Variants in TSPAN9 observed in about 807,000 individuals in gnomAD.
TSPAN9 encodes tetraspanin 9.
Under a neutral mutation model 31.0 loss-of-function variants are expected in TSPAN9, and 16 were observed. The ratio of observed to expected loss-of-function variants is 0.52; its 90% CI spans 0.35 to 0.78. The LOEUF is 0.78. Ranked by LOEUF, TSPAN9 falls within the 30% of genes least tolerant of loss-of-function variation. The pLI is 0.01. For missense variants in TSPAN9, 272 were observed against 312.5 expected, an observed-to-expected ratio of 0.87 and a Z score of 0.98; for synonymous variants, 145 against 121.6, an observed-to-expected ratio of 1.19 and a Z score of -1.27.
At chr12:3,135,134 G>A (rs2098331528) in intron 2 of TSPAN9, among the ~76,000 whole-genome samples, 1 of 152,136 alleles carries the variant, frequency 6.6e-6, no homozygotes, top group South Asian at 2.1e-4. Flanking sequence ...CCAAGCTAGA[G>A]TGCAGTGTCA....
At chr12:3,227,326 GC>G (rs1437979307) in intron 3 of TSPAN9, among the ~76,000 whole-genome samples, 2 of 152,182 alleles carry the variant, frequency 1.3e-5, no homozygotes, top group Non-Finnish European at 2.9e-5. Context: ...CGCAGCCTGG[GC>G]CATTTTGCCC....
At chr12:3,154,280 G>T (rs1237843341) in intron 2 of TSPAN9, among the ~76,000 whole-genome samples, 1 of 152,140 alleles carries the variant, frequency 6.6e-6, no homozygotes, top group Non-Finnish European at 1.5e-5. Context: ...GGTAGCAGAG[G>T]TCCTGCTTTA....
intron 3 of TSPAN9, among the ~76,000 whole-genome samples, chr12:3,247,514 G>A (rs1384007149): frequency 2.0e-5 from 3 of 152,172 alleles, no homozygotes; most frequent in Non-Finnish European, 4.4e-5. Context: ...CCTCTTCGGA[G>A]ACAGACATGG....
intron 2 of TSPAN9, among the ~76,000 whole-genome samples, chr12:3,164,469 G>C (rs1396350196): frequency 6.6e-6 from 1 of 152,200 alleles, no homozygotes; most frequent in African/African-American, 2.4e-5. Context: ...TTTGCTTCCA[G>C]CTCACTCTGG....
chr12:3,159,550 C>T (rs1294293013), intron 2 of TSPAN9, among the ~76,000 whole-genome samples: 2 of 152,106 alleles, frequency 1.3e-5, no homozygotes, highest in Non-Finnish European at 2.9e-5. Context: ...GGCCCTAATC[C>T]ACCATGACTG....
intron 8 of TSPAN9, among the ~76,000 whole-genome samples, chr12:3,282,417 A>C (rs1862913112): frequency 6.6e-6 from 1 of 152,130 alleles, no homozygotes; most frequent in Non-Finnish European, 1.5e-5. Flanking sequence ...TTTAAGAGAC[A>C]GGGTCTCACT....
chr12:3,262,186 T>A (rs568622152), intron 3 of TSPAN9, among the ~76,000 whole-genome samples: 2 of 152,196 alleles, frequency 1.3e-5, no homozygotes, highest in Admixed American at 6.5e-5. Flanking sequence ...TGTTTGTGGG[T>A]GTCTGTTTTG....
At position 3,280,384 on chromosome 12, in the gene TSPAN9, GA is replaced by G; in HGVS notation, c.335del (p.Asn112ThrfsTer8). 1 of 1,609,970 alleles carries G rather than the reference GA, an allele frequency of 6.2e-7. No homozygotes were observed. Among genetic ancestry groups the G allele is most frequent in the Non-Finnish European group, 8.5e-7 (1 of 1,177,432 alleles). The stretch of plus-strand genomic sequence containing the variant: ...CACTGTGTCCCTCCGCCTGGCAGGT[GA>G]ACGAGAACGCCAAGAAGGACCTGAA... The part of the protein sequence containing the change: ...ILFFVYMDKV[N>X]ENAKKDLKEG... On this transcript the variant is annotated frameshift_variant, in exon 6 of 9. Coordinates refer to ENST00000011898, the MANE Select transcript of TSPAN9 (RefSeq NM_006675.5). LOFTEE classifies it high-confidence loss of function. The surrounding 1 kb of genome is among the most constrained non-coding windows in gnomAD (Gnocchi z 4.5).
chr12:3,191,951 CCTT>C (rs1348728745), intron 2 of TSPAN9, among the ~76,000 whole-genome samples: 2 of 152,082 alleles, frequency 1.3e-5, no homozygotes, highest in African/African-American at 4.8e-5. Context: ...CTAGAATAGA[CCTT>C]CTTCAATAAT....
At chr12:3,198,128 C>CCACCACCAGCACAGGT (rs1473352501) in intron 2 of TSPAN9, among the ~76,000 whole-genome samples, 1,108 of 31,408 alleles carry the variant, frequency 0.035, 283 homozygotes, top group Non-Finnish European at 0.053. Context: ...CCAGCACAGG[C>CCACCACCAGCACAGGT]CACCACCAGC....
rs188578754 is a variant in TSPAN9, at chr12:3,219,281, C to G, written c.63+18025C>G. Among the ~76,000 whole-genome samples the G allele has an allele frequency of 1.5e-3, 230 of 152,294 alleles. 1 individual carries two copies. The highest frequency in any genetic ancestry group is 5.4e-3 in the African/African-American group (226 of 41,546). ...ACAATGACAGTGACATGCAACCTGC[C>G]CTGTGCGGTTGTTGAGTGGGATGCA... On this transcript the variant is annotated intron_variant, in intron 3 of 8. Coordinates refer to ENST00000011898, the MANE Select transcript of TSPAN9 (RefSeq NM_006675.5).
At chr12:3,160,380 G>A (rs186744622) in intron 2 of TSPAN9, among the ~76,000 whole-genome samples, 65 of 152,164 alleles carry the variant, frequency 4.3e-4, no homozygotes, top group Non-Finnish European at 7.8e-4. Context: ...CAGTTTTTTG[G>A]CTATTTTGAA....
Position 3,281,201 on chromosome 12 carries a change from C to G in TSPAN9, c.436C>G (p.Arg146Gly). The change falls in exon 7 of 9, where the codon CGA (arginine) becomes GGA (glycine). Residue 146 changes from arginine (R) to glycine (G), a missense_variant. By Grantham distance (125) the Arg-to-Gly change is moderately radical. Coordinates refer to ENST00000011898, the MANE Select transcript of TSPAN9 (RefSeq NM_006675.5). ...CCCTTCCATTCCTGCTGGCCAGATG[C>G]GATGCTGTGGTGTCACTGACTACAC... ...NAWNIIQAEM[R>G]CCGVTDYTDW... 1 of 1,550,970 alleles carries G rather than the reference C, an allele frequency of 6.4e-7. No homozygotes were observed. Among genetic ancestry groups the G allele is most frequent in the Non-Finnish European group, 8.7e-7 (1 of 1,146,862 alleles).
intron 2 of TSPAN9, among the ~76,000 whole-genome samples, chr12:3,113,705 G>T (rs934216722): frequency 6.6e-6 from 1 of 152,156 alleles, no homozygotes; most frequent in African/African-American, 2.4e-5. Flanking sequence ...ACCCTCAGGG[G>T]TGTGCCAGTT....
chr12:3,281,109 A>C, intron 6 of TSPAN9, 89 bp from the exon 7 acceptor site: 1 of 1,525,800 alleles, frequency 6.6e-7, no homozygotes, highest in East Asian at 2.5e-5. Flanking sequence ...TTTTGCGGGG[A>C]CTGGGGTTGG....
In TSPAN9 at chr12:3,100,071, G is replaced by T. The variant is rs571441481; in HGVS notation, c.-18+16352G>T. Among the ~76,000 whole-genome samples, 39 of 152,140 alleles carry T rather than the reference G, an allele frequency of 2.6e-4. No individual in the cohort carries two copies. The South Asian group carries it at 7.9e-3, about 31-fold the overall frequency. On this transcript the variant is annotated intron_variant, in intron 2 of 8. Coordinates refer to ENST00000011898, the MANE Select transcript of TSPAN9 (RefSeq NM_006675.5). Reference sequence around the variant, plus strand: ...TTAGCCGGGATGGTCTCGATCTCCTGACCTCATGGTGATCCGCCCGCCTCG... The same window carrying T: ...TTAGCCGGGATGGTCTCGATCTCCTTACCTCATGGTGATCCGCCCGCCTCG...
At chr12:3,253,933 G>A (rs1201317067) in intron 3 of TSPAN9, among the ~76,000 whole-genome samples, 1 of 152,210 alleles carries the variant, frequency 6.6e-6, no homozygotes, top group Non-Finnish European at 1.5e-5. Context: ...TGCAACAGGA[G>A]GTCCAGGGTG....
intron 7 of TSPAN9, 97 bp from the exon 8 acceptor site, chr12:3,281,637 G>T (rs79997404): frequency 1.4e-6 from 2 of 1,393,132 alleles, no homozygotes; most frequent in East Asian, 2.3e-5. Context: ...GGAGGTAAGA[G>T]CGAGGACGAG....
chr12:3,277,347 A>G (rs1019832853), intron 3 of TSPAN9, among the ~76,000 whole-genome samples: 61 of 152,286 alleles, frequency 4.0e-4, no homozygotes, highest in African/African-American at 1.4e-3. Flanking sequence ...ACTGGCTTCC[A>G]TGACTGCGAC....
Sources: allele counts gnomAD v4.1 joint callset (sites outside exome capture counted in the v4.1 genomes callset), GRCh38; gene constraint gnomAD v4.1.1; non-coding constraint Gnocchi (gnomAD v3.1); transcripts MANE v1.5; gene names NCBI Gene and HGNC (gene_info 2026-07-23, HGNC 2026-07-21).